Variants in ABCC1 observed in about 807,000 individuals in gnomAD.
ABCC1 encodes multidrug resistance-associated protein 1.
Under a neutral mutation model 172.9 loss-of-function variants are expected in ABCC1, and 83 were observed. The observed-to-expected ratio is 0.48, with a 90% CI of 0.40 to 0.58. ABCC1 has a LOEUF of 0.58. Ranked by LOEUF, ABCC1 falls within the 20% of genes least tolerant of loss-of-function variation. The probability of loss-of-function intolerance (pLI) is 0.00; values close to 1 mark genes in which losing one functional copy is unlikely to be tolerated. For missense variants in ABCC1, 1,817 were observed against 2,002.7 expected (o/e 0.91, Z 1.77); for synonymous variants, 937 against 825.2 (o/e 1.14, Z -2.32).
chr16:16,023,842 T>G (rs2048278670), intron 5 of ABCC1, among the ~76,000 whole-genome samples: 1 of 151,720 alleles, frequency 6.6e-6, no homozygotes, highest in African/African-American at 2.4e-5. Flanking sequence ...GGTGGTGGGG[T>G]GGGAGGGTGC....
chr16:15,976,721 T>C (rs1479846942), intron 1 of ABCC1, among the ~76,000 whole-genome samples: 1 of 152,180 alleles, frequency 6.6e-6, no homozygotes, highest in East Asian at 1.9e-4. Context: ...GCCATAGTAG[T>C]GATAATACTA....
chr16:16,016,740 G>T, intron 5 of ABCC1, 119 bp downstream of exon 5: 8 of 1,410,034 alleles, frequency 5.7e-6, no homozygotes, highest in Non-Finnish European at 7.7e-6. Context: ...CTCAACCCCT[G>T]ATACAGGGAA....
Position 16,086,898 on chromosome 16 carries a change from C to T in ABCC1, c.2367C>T (p.Tyr789=), listed in dbSNP as rs1408783835. 6.2e-7 allele frequency: 1 copy of T among 1,614,248 alleles called. No homozygotes were observed. Among genetic ancestry groups the T allele is most frequent in the Non-Finnish European group, 8.5e-7 (1 of 1,180,050 alleles). ...ARAVYSNADI[Y]LFDDPLSAVD... is the part of the protein sequence containing the mutation. ...CCGTGTACTCCAACGCTGACATTTA[C>T]CTCTTCGATGATCCCCTCTCAGCAG... Residue 789 remains tyrosine (Y), a synonymous_variant, in exon 18 of 31, where the codon TAC becomes TAT. Transcript: ENST00000399410.
chr16:16,133,372 T>TTG lies in ABCC1; in HGVS notation c.3967-977_3967-976insGT, dbSNP rs1555504067. On this transcript the variant is annotated intron_variant, in intron 27 of 30. Transcript: ENST00000399410. ...AGAGTGGGTGATGTTCTTGCTGTCT[T>TTG]TTTTTGTTTTTGTTTTTGTTTTTGT... Among the ~76,000 whole-genome samples, 818 of 148,670 alleles carry TTG rather than the reference T, an allele frequency of 5.5e-3. 6 individuals are homozygous for TTG. Among genetic ancestry groups the TTG allele is most frequent in the African/African-American group, 0.019 (770 of 40,456 alleles).
intron 7 of ABCC1, among the ~76,000 whole-genome samples, chr16:16,042,395 T>A (rs1213424839): frequency 2.0e-5 from 3 of 152,082 alleles, no homozygotes; most frequent in African/African-American, 7.2e-5. Context: ...AACTGAATAC[T>A]AAGTGATGTA....
At chr16:16,103,751 G>A (rs555021089) in intron 20 of ABCC1, among the ~76,000 whole-genome samples, 43 of 152,278 alleles carry the variant, frequency 2.8e-4, no homozygotes, top group Admixed American at 7.8e-4. Context: ...GGCATAGCAC[G>A]GTGCCTGGAA....
At position 16,048,126 on chromosome 16, in the gene ABCC1, C is replaced by T; in HGVS notation, c.1219-16C>T. 6.2e-7 allele frequency: 1 copy of T among 1,613,880 alleles called. No individual in the cohort carries two copies. The highest frequency in any genetic ancestry group is 8.5e-7 in the Non-Finnish European group (1 of 1,179,884). Reference sequence around the variant, plus strand: ...GCTGCCACACTCACCCACCTTCCCTCTCCTTTGTCCCACAGGCCCTGGTGA... The same window carrying T: ...GCTGCCACACTCACCCACCTTCCCTTTCCTTTGTCCCACAGGCCCTGGTGA... On this transcript the variant is annotated splice_polypyrimidine_tract_variant and intron_variant, in intron 9 of 30. Coordinates refer to ENST00000399410, the MANE Select transcript of ABCC1 (RefSeq NM_004996.4).
At chr16:16,039,497 A>G (rs557963430) in intron 7 of ABCC1, among the ~76,000 whole-genome samples, 1 of 151,502 alleles carries the variant, frequency 6.6e-6, no homozygotes, top group South Asian at 2.1e-4. Flanking sequence ...TTAAACTTCT[A>G]ATCTCAAGTG....
At chr16:16,029,645 C>T (rs1009598145) in intron 5 of ABCC1, among the ~76,000 whole-genome samples, 1 of 152,142 alleles carries the variant, frequency 6.6e-6, no homozygotes, top group African/African-American at 2.4e-5. Context: ...CAAAAAGTTG[C>T]AAAAATAACA....
At chr16:16,082,878 C>T (rs1019396719) in intron 16 of ABCC1, among the ~76,000 whole-genome samples, 2 of 152,172 alleles carry the variant, frequency 1.3e-5, no homozygotes, top group African/African-American at 2.4e-5. Context: ...GAACTCCTGA[C>T]CTCAAGCAGT....
At chr16:16,092,435 C>G (rs1026130512) in intron 19 of ABCC1, among the ~76,000 whole-genome samples, 3 of 152,200 alleles carry the variant, frequency 2.0e-5, no homozygotes, top group Non-Finnish European at 2.9e-5. Context: ...CTTTCTGTCT[C>G]TCTAGATTTG....
intron 27 of ABCC1, 129 bp downstream of exon 27, chr16:16,132,064 G>C (rs1234299802): frequency 3.3e-6 from 4 of 1,213,132 alleles, no homozygotes; most frequent in Non-Finnish European, 4.6e-6. Context: ...ATGGCTTTTT[G>C]GGGGGCTGGG....
intron 18 of ABCC1, among the ~76,000 whole-genome samples, chr16:16,088,124 CGTGT>C (rs60633005): frequency 2.6e-3 from 329 of 126,836 alleles, no homozygotes; most frequent in African/African-American, 7.3e-3. Flanking sequence ...TGTGTGTATG[CGTGT>C]GTGTGTGTGT....
At chr16:16,085,951 GT>G (rs2152002830) in intron 17 of ABCC1, among the ~76,000 whole-genome samples, 1 of 152,256 alleles carries the variant, frequency 6.6e-6, no homozygotes, top group Non-Finnish European at 1.5e-5. Context: ...TCCATGCATT[GT>G]CCTTCCTCCT....
rs918364042 is a variant in ABCC1 at position 15,949,633 on chromosome 16, C to T, written c.-119C>T. The T allele has an allele frequency of 2.3e-5, 16 of 685,422 alleles. No homozygotes were observed. The African/African-American group carries it at 3.1e-4, about 13-fold the overall frequency. The allele number at this position is 685,422 out of a possible 1,614,324, so 42.5% of individuals were successfully genotyped here. A position where few individuals can be genotyped will look rare whatever the true frequency, so the allele number is the denominator to read the frequency against. On this transcript the variant is annotated 5_prime_UTR_variant, in exon 1 of 31. Transcript: ENST00000399410. The stretch of plus-strand genomic sequence containing the variant: ...CCTGCGCCGCCGCCGCCGCCGCCGC[C>T]AGCGCTAGCGCCAGCAGCCGGGCCC...
At chr16:15,997,465 C>T (rs1011428642) in intron 1 of ABCC1, among the ~76,000 whole-genome samples, 3 of 152,164 alleles carry the variant, frequency 2.0e-5, no homozygotes, top group Non-Finnish European at 4.4e-5. Flanking sequence ...GTGCAGTGAC[C>T]GGTGACCGTG....
At chr16:16,061,245 G>A (rs1475369434) in intron 12 of ABCC1, among the ~76,000 whole-genome samples, 1 of 152,198 alleles carries the variant, frequency 6.6e-6, no homozygotes, top group African/African-American at 2.4e-5. Context: ...TATAAAGTAG[G>A]AAGTAATGTA....
intron 1 of ABCC1, among the ~76,000 whole-genome samples, chr16:15,994,637 A>G (rs539133970): frequency 6.6e-6 from 1 of 152,322 alleles, no homozygotes; most frequent in East Asian, 1.9e-4. Context: ...TTATTATTTT[A>G]GAAATCATGC....
intron 1 of ABCC1, among the ~76,000 whole-genome samples, chr16:15,977,399 ATTATTTATTT>A (rs1426823435): frequency 2.0e-5 from 3 of 151,776 alleles, no homozygotes; most frequent in African/African-American, 7.3e-5. Context: ...CCCATTTATT[ATTATTTATTT>A]TTATTTTTAA....
Sources: gnomAD v4.1 joint callset for allele counts (sites outside exome capture counted in the v4.1 genomes callset) on GRCh38, gnomAD v4.1.1 for gene constraint, MANE v1.5 for transcripts, NCBI Gene and HGNC (gene_info 2026-07-23, HGNC 2026-07-21) for gene names.